The following ZNF525 variants were observed in gnomAD, a reference collection of about 807,000 sequenced individuals.
ZNF525 encodes zinc finger protein 525.
In ZNF525, 33 loss-of-function variants were observed where a neutral mutation model predicts 37.6. The observed-to-expected ratio is 0.88, with a 90% CI of 0.67 to 1.17. ZNF525 has a LOEUF of 1.17. Among genes scored for constraint, ZNF525 ranks in the 50% most tolerant of loss-of-function variants. ZNF525 has a pLI of 0.00. For missense variants in ZNF525, 449 were observed against 543.1 expected, an observed-to-expected ratio of 0.83 and a Z score of 1.72; for synonymous variants, 170 against 182.3, an observed-to-expected ratio of 0.93 and a Z score of 0.54.
At chr19:53,377,702 G>A (rs1052539670) in intron 3 of ZNF525, among the ~76,000 whole-genome samples, 19 of 151,802 alleles carry the variant, frequency 1.3e-4, no homozygotes, top group Non-Finnish European at 1.5e-4. Flanking sequence ...CTACAGGCAT[G>A]TGCCACCACA....
At chr19:53,371,117 C>G (rs1166180061) in intron 1 of ZNF525, among the ~76,000 whole-genome samples, 1 of 152,178 alleles carries the variant, frequency 6.6e-6, no homozygotes, top group East Asian at 1.9e-4. Flanking sequence ...GCCCTCCACC[C>G]CATCTGAAGT....
chr19:53,384,497 G>A lies in ZNF525; in HGVS notation c.*2478G>A, dbSNP rs1339723530. 6.4e-6 allele frequency: 1 copy of A among 156,274 alleles called. No individual in the cohort carries two copies. Among genetic ancestry groups the A allele is most frequent in the East Asian group, 1.9e-4 (1 of 5,246 alleles). The allele number at this position is 156,274 out of a possible 1,614,324, so 9.7% of individuals were successfully genotyped here. ...TTGATCAATTTTTGTTGATTTCAAG[G>A]TACAAACGTCTCACCTTTTTACGTT... is the stretch of plus-strand genomic sequence containing the variant. On this transcript the variant is annotated 3_prime_UTR_variant, in exon 4 of 4. Transcript: ENST00000474037.
chr19:53,375,770 G>A lies in ZNF525; in HGVS notation c.16G>A (p.Gly6Ser). The A allele has an allele frequency of 6.2e-7, 1 of 1,613,456 alleles. No individual in the cohort carries two copies. The highest frequency in any genetic ancestry group is 8.5e-7 in the Non-Finnish European group (1 of 1,179,796). ...TGGTTAAAATGTGTTTTCATTTCAG[G>A]GTCTATTGACATTCAGGGATGTGGC... MALPQ[G>S]LLTFRDVAIE... The change falls in exon 3 of 4, where the codon GGT becomes AGT. Residue 6 changes from glycine (G) to serine (S), a missense_variant and splice_region_variant. By Grantham distance (56) the Gly-to-Ser change is moderately conservative. Around this residue, in one of 2 missense-constraint regions of ZNF525, gnomAD observed 271 missense variants for 381.6 expected, o/e 0.71. Transcript: ENST00000474037.
In ZNF525 at chr19:53,382,670, G is replaced by C. The variant is rs116862468; in HGVS notation, c.*651G>C. ...TTACAAATGTAATGATTGTCACCAC[G>C]TCTTCAGTAATGCTACAACTATTGC... is the stretch of plus-strand genomic sequence containing the variant. On this transcript the variant is annotated 3_prime_UTR_variant, in exon 4 of 4. Transcript: ENST00000474037. 4.1e-6 allele frequency: 3 copies of C among 725,700 alleles called. No individual in the cohort carries two copies. Among genetic ancestry groups the C allele is most frequent in the South Asian group, 4.1e-5 (3 of 72,694 alleles). 45.0% of individuals were successfully genotyped at this position (725,700 alleles called of 1,614,324 possible).
rs150741146 is a variant in ZNF525 at position 53,370,866 on chromosome 19, T to C, written c.-67-1349T>C. Among the ~76,000 whole-genome samples the C allele has an allele frequency of 8.3e-3, 1,267 of 152,148 alleles. 23 individuals carry two copies. Among genetic ancestry groups the C allele is most frequent in the African/African-American group, 0.029 (1,194 of 41,518 alleles). On this transcript the variant is annotated intron_variant, in intron 1 of 3. Transcript: ENST00000474037. ...GTGTTCCCCAGGACAAAAGCCCAAC[T>C]CCTCACTGTGGCTCCACAGCCCTGT...
At position 53,381,845 on chromosome 19, in the gene ZNF525, C is replaced by A. The variant is rs1159166277; in HGVS notation, c.1266C>A (p.Phe422Leu). 2.8e-6 allele frequency: 3 copies of A among 1,055,258 alleles called. No individual in the cohort carries two copies. Among genetic ancestry groups the A allele is most frequent in the Non-Finnish European group, 4.5e-6 (3 of 669,348 alleles). 65.4% of individuals were successfully genotyped at this position (1,055,258 alleles called of 1,614,324 possible). Reference protein sequence around the residue: ...KCEECDEAFRFKSSLERHRRI... With the variant: ...KCEECDEAFRLKSSLERHRRI... The stretch of plus-strand genomic sequence containing the variant: ...AAGAATGTGATGAAGCTTTCCGTTT[C>A]AAATCAAGTCTTGAAAGACATAGGA... The change falls in exon 4 of 4, where the codon TTC becomes TTA. Residue 422 changes from phenylalanine to leucine, a missense_variant. By Grantham distance (22) the Phe-to-Leu change is conservative. Coordinates refer to ENST00000474037, the MANE Select transcript of ZNF525 (RefSeq NM_001348156.2).
intron 2 of ZNF525, among the ~76,000 whole-genome samples, chr19:53,373,195 C>G (rs1407797720): frequency 1.3e-5 from 2 of 152,044 alleles, no homozygotes; most frequent in East Asian, 3.9e-4. Flanking sequence ...CAGGTTCAAG[C>G]GATTCTCCTG....
rs759555327 is a variant in ZNF525, at chr19:53,381,533, G to A, written c.954G>A (p.Arg318=). 1.1e-4 allele frequency: 141 copies of A among 1,242,730 alleles called. No homozygotes were observed. Among genetic ancestry groups the A allele is most frequent in the Non-Finnish European group, 1.5e-4 (123 of 841,262 alleles). The allele number at this position is 1,242,730 out of a possible 1,614,324, so 77.0% of individuals were successfully genotyped here. A position where few individuals can be genotyped will look rare whatever the true frequency, so the allele number is the denominator to read the frequency against. The change falls in exon 4 of 4, where the codon AGG becomes AGA. Residue 318 remains arginine (R), a synonymous_variant. Coordinates refer to ENST00000474037, the MANE Select transcript of ZNF525 (RefSeq NM_001348156.2). ...ACAATTCAGCCCTTCAAAGACATAG[G>A]AGAATTCATACTGGAGAGAAACCAC... is the stretch of plus-strand genomic sequence containing the variant. The part of the protein sequence containing the change: ...FRHNSALQRH[R]RIHTGEKPHK...
rs2085586715 is a variant in ZNF525, at chr19:53,383,913, G to A, written c.*1894G>A. Reference sequence around the variant, plus strand: ...GAGAAACCTCACAAGTGTGATGATCGTGGCAAAGCCTTTACTTCACATTCT... The same window carrying A: ...GAGAAACCTCACAAGTGTGATGATCATGGCAAAGCCTTTACTTCACATTCT... On this transcript the variant is annotated 3_prime_UTR_variant, in exon 4 of 4. Transcript: ENST00000474037. The A allele has an allele frequency of 1.2e-5, 8 of 666,212 alleles. No individual in the cohort carries two copies. The highest frequency in any genetic ancestry group is 5.7e-5 in the South Asian group (4 of 70,318). 41.3% of individuals were successfully genotyped at this position (666,212 alleles called of 1,614,324 possible). A position where few individuals can be genotyped will look rare whatever the true frequency, so the allele number is the denominator to read the frequency against.
chr19:53,376,448 T>A (rs2085523081), intron 3 of ZNF525: 4 of 590,626 alleles, frequency 6.8e-6, no homozygotes, highest in Admixed American at 6.5e-5. Context: ...TTTCTTGATT[T>A]TTTTTGTTGT....
chr19:53,367,081 C>T (rs1184127813), intron 1 of ZNF525, among the ~76,000 whole-genome samples: 40 of 152,066 alleles, frequency 2.6e-4, no homozygotes, highest in Admixed American at 2.6e-3. Context: ...TAGCTGGTGG[C>T]CTTGTAGCTG....
In ZNF525 at chr19:53,373,985, C is replaced by T. The variant is rs949949522; in HGVS notation, c.15+1689C>T. Among the ~76,000 whole-genome samples, 96 of 152,024 alleles carry T rather than the reference C, an allele frequency of 6.3e-4. 1 individual carries two copies. Among genetic ancestry groups the T allele is most frequent in the Non-Finnish European group, 1.3e-4 (9 of 68,016 alleles). On this transcript the variant is annotated intron_variant, in intron 2 of 3. Transcript: ENST00000474037. ...GCAACCTCTGCATCCCGAGCTCAAG[C>T]GATTCTCCTGCCTCAGCCTCCTGGG...
chr19:53,377,083 T>A (rs540837496), intron 3 of ZNF525, among the ~76,000 whole-genome samples: 2 of 152,374 alleles, frequency 1.3e-5, no homozygotes, highest in African/African-American at 4.8e-5. Context: ...TGTACAGTGT[T>A]TTTTCATGCT....
intron 2 of ZNF525, among the ~76,000 whole-genome samples, chr19:53,374,401 C>A (rs1201938016): frequency 6.6e-6 from 1 of 152,150 alleles, no homozygotes; most frequent in East Asian, 1.9e-4. Flanking sequence ...ACATGTGGGT[C>A]CTTTGTGATT....
intron 2 of ZNF525, among the ~76,000 whole-genome samples, chr19:53,374,662 A>G (rs2085509372): frequency 6.6e-6 from 1 of 152,202 alleles, no homozygotes; most frequent in Non-Finnish European, 1.5e-5. Flanking sequence ...ACCTGTATTT[A>G]TATATACATA....
At chr19:53,368,412 G>C (rs1054289051) in intron 1 of ZNF525, among the ~76,000 whole-genome samples, 3 of 152,172 alleles carry the variant, frequency 2.0e-5, no homozygotes, top group Non-Finnish European at 4.4e-5. Flanking sequence ...TCCTTAGTGA[G>C]CAACACAGTA....
rs1238785600 is a variant in ZNF525 at position 53,386,235 on chromosome 19, ATCT to A, written c.*4220_*4222del. 4.6e-6 allele frequency: 3 copies of A among 653,318 alleles called. No homozygotes were observed. The highest frequency in any genetic ancestry group is 8.7e-6 in the Non-Finnish European group (3 of 346,538). 40.5% of individuals were successfully genotyped at this position (653,318 alleles called of 1,614,324 possible). On this transcript the variant is annotated 3_prime_UTR_variant, in exon 4 of 4. Transcript: ENST00000474037. ...TGTGCTTGACTCTGCTTCTTGCCAC[ATCT>A]TCTCAGAAGACTTTCAGGATTAAGC...
intron 3 of ZNF525, among the ~76,000 whole-genome samples, chr19:53,379,773 G>T (rs958257162): frequency 6.6e-6 from 1 of 152,146 alleles, no homozygotes; most frequent in African/African-American, 2.4e-5. Context: ...AGGCTGAGGC[G>T]GGTGGATCAC....
At position 53,381,683 on chromosome 19, in the gene ZNF525, A is replaced by C. The variant is rs747285944; in HGVS notation, c.1104A>C (p.Ser368=). The stretch of plus-strand genomic sequence containing the variant: ...GTGACAAAGCTTTCAGTTTCAAATC[A>C]AACCTTGAAAGTCATAGGATAACTC... ...EECDKAFSFK[S]NLESHRITHT... Residue 368 remains serine, a synonymous_variant, in exon 4 of 4, where the codon TCA becomes TCC. Transcript: ENST00000474037. 1 of 1,124,174 alleles carries C rather than the reference A, an allele frequency of 8.9e-7. No individual in the cohort carries two copies. The highest frequency in any genetic ancestry group is 1.4e-6 in the Non-Finnish European group (1 of 732,406). 69.6% of individuals were successfully genotyped at this position (1,124,174 alleles called of 1,614,324 possible).
Sources: gnomAD v4.1 joint callset for allele counts (sites outside exome capture counted in the v4.1 genomes callset) on GRCh38, gnomAD v4.1.1 for gene constraint, gnomAD v4.1.1 regional missense constraint, MANE v1.5 for transcripts, NCBI Gene and HGNC (gene_info 2026-07-23, HGNC 2026-07-21) for gene names.